The following ASTN2 variants were observed in gnomAD, a reference collection of about 807,000 sequenced individuals.
The protein encoded by ASTN2 is astrotactin 2.
In ASTN2, 54 loss-of-function variants were observed where a neutral mutation model predicts 139.8. The ratio of observed to expected loss-of-function variants is 0.39; its 90% confidence interval spans 0.31 to 0.48. ASTN2 has a LOEUF of 0.48. ASTN2 is among the 20% of genes least tolerant of loss of function. The pLI is 0.95. For synonymous variants in ASTN2, 756 were observed against 719.5 expected (o/e 1.05, Z -0.81); for missense variants, 1,565 against 1,725.1 (o/e 0.91, Z 1.64).
At chr9:117,066,096 C>A (rs1178932822) in intron 5 of ASTN2, among the ~76,000 whole-genome samples, 1 of 146,980 alleles carries the variant, frequency 6.8e-6, no homozygotes, top group African/African-American at 2.5e-5. Flanking sequence ...TATACATGTG[C>A]CATGCTGGTG....
At chr9:116,473,740 T>C (rs780049287) in intron 20 of ASTN2, among the ~76,000 whole-genome samples, 15 of 152,166 alleles carry the variant, frequency 9.9e-5, no homozygotes, top group Non-Finnish European at 2.1e-4. Flanking sequence ...CCGTCTCTAC[T>C]AAAAATACAA....
intron 14 of ASTN2, among the ~76,000 whole-genome samples, chr9:116,732,028 G>T (rs111276207): frequency 2.0e-5 from 3 of 152,254 alleles, no homozygotes; most frequent in African/African-American, 7.2e-5. Flanking sequence ...GAAAATTAAG[G>T]AAGGCATAGA....
At chr9:116,769,979 T>C (rs558208853) in intron 13 of ASTN2, among the ~76,000 whole-genome samples, 1 of 152,034 alleles carries the variant, frequency 6.6e-6, no homozygotes, top group Non-Finnish European at 1.5e-5. Flanking sequence ...GAGTAATAAT[T>C]GTGCCACTGC....
intron 1 of ASTN2, among the ~76,000 whole-genome samples, chr9:117,408,074 G>C (rs1588020547): frequency 6.6e-6 from 1 of 152,120 alleles, no homozygotes; most frequent in African/African-American, 2.4e-5. Context: ...GCTTAGGATA[G>C]ATTGGAGCCA....
intron 20 of ASTN2, among the ~76,000 whole-genome samples, chr9:116,460,195 T>G (rs912336437): frequency 1.3e-5 from 2 of 152,066 alleles, no homozygotes; most frequent in Admixed American, 6.6e-5. Context: ...ATGTCCACAA[T>G]AGGCAAATTC....
At chr9:116,638,293 T>C (rs1380274055) in intron 17 of ASTN2, among the ~76,000 whole-genome samples, 4 of 152,188 alleles carry the variant, frequency 2.6e-5, no homozygotes, top group Admixed American at 6.5e-5. Context: ...TCTCATGCAA[T>C]ACAGTATTCT....
intron 5 of ASTN2, among the ~76,000 whole-genome samples, chr9:117,071,753 G>T (rs984655226): frequency 5.3e-5 from 8 of 151,068 alleles, no homozygotes; most frequent in Middle Eastern, 3.2e-3. Context: ...CGCAATACTC[G>T]GGTGGGAGTG....
intron 6 of ASTN2, among the ~76,000 whole-genome samples, chr9:117,023,949 C>T (rs945225598): frequency 6.6e-6 from 1 of 152,036 alleles, no homozygotes; most frequent in Non-Finnish European, 1.5e-5. Context: ...CACCTGTTGT[C>T]TAGATGGATC....
chr9:117,351,960 CT>C (rs1206266304), intron 1 of ASTN2, among the ~76,000 whole-genome samples: 1 of 152,100 alleles, frequency 6.6e-6, no homozygotes, highest in African/African-American at 2.4e-5. Flanking sequence ...GTCTAAGCCC[CT>C]GGGATACAGA....
At chr9:116,802,322 A>T (rs1024998582) in intron 13 of ASTN2, among the ~76,000 whole-genome samples, 6 of 151,952 alleles carry the variant, frequency 3.9e-5, no homozygotes, top group African/African-American at 1.5e-4. Context: ...TCCTGACCTC[A>T]TGATCTGCCC....
chr9:116,960,881 C>A (rs1588442762), intron 10 of ASTN2, among the ~76,000 whole-genome samples: 1 of 152,152 alleles, frequency 6.6e-6, no homozygotes, highest in East Asian at 1.9e-4. Context: ...GCTGACTCAG[C>A]CCCCAGAACC....
chr9:116,804,524 A>G (rs1399267385), intron 13 of ASTN2, among the ~76,000 whole-genome samples: 3 of 152,206 alleles, frequency 2.0e-5, no homozygotes, highest in Non-Finnish European at 2.9e-5. Context: ...ACATAAGTTA[A>G]TAGACAAAAA....
At chr9:116,544,815 G>A (rs1852022954) in intron 19 of ASTN2, among the ~76,000 whole-genome samples, 1 of 152,184 alleles carries the variant, frequency 6.6e-6, no homozygotes, top group Admixed American at 6.5e-5. Flanking sequence ...ATGAAGCTGA[G>A]AGAGATTTTT....
intron 2 of ASTN2, among the ~76,000 whole-genome samples, chr9:117,271,642 C>A (rs1298200031): frequency 6.6e-6 from 1 of 152,166 alleles, no homozygotes; most frequent in African/African-American, 2.4e-5. Flanking sequence ...CAATGGGGTA[C>A]AGATATCGGG....
chr9:117,320,922 C>T (rs1221241236), intron 1 of ASTN2, among the ~76,000 whole-genome samples: 1 of 152,190 alleles, frequency 6.6e-6, no homozygotes, highest in African/African-American at 2.4e-5. Context: ...AAATGTGAAA[C>T]CTGCAGAGGC....
At chr9:116,994,082 A>G (rs986453080) in intron 7 of ASTN2, among the ~76,000 whole-genome samples, 11 of 152,096 alleles carry the variant, frequency 7.2e-5, no homozygotes, top group Admixed American at 2.6e-4. Flanking sequence ...TAAATACCAA[A>G]GCCATTTTTT....
intron 10 of ASTN2, among the ~76,000 whole-genome samples, chr9:116,957,693 A>C (rs1381164259): frequency 1.3e-5 from 2 of 152,204 alleles, no homozygotes; most frequent in African/African-American, 4.8e-5. Context: ...TTTGTTTTTG[A>C]GACGGAGTCT....
chr9:116,534,863 G>C (rs1171344154), intron 19 of ASTN2, among the ~76,000 whole-genome samples: 2 of 152,178 alleles, frequency 1.3e-5, no homozygotes, highest in Non-Finnish European at 2.9e-5. Flanking sequence ...GAGTTTTGTA[G>C]ATGTCTATTA....
chr9:117,268,794 C>T (rs1833994277), intron 2 of ASTN2, among the ~76,000 whole-genome samples: 1 of 152,158 alleles, frequency 6.6e-6, no homozygotes, highest in South Asian at 2.1e-4. Context: ...TGTAATGTCT[C>T]TGGGGCCCCA....
Sources: gnomAD v4.1 joint callset for allele counts (sites outside exome capture counted in the v4.1 genomes callset) on GRCh38, gnomAD v4.1.1 for gene constraint, MANE v1.5 for transcripts, NCBI Gene and HGNC (gene_info 2026-07-23, HGNC 2026-07-21) for gene names.